The following USP15 variants were observed in gnomAD, a reference collection of about 807,000 sequenced individuals.
USP15 encodes the protein ubiquitin carboxyl-terminal hydrolase 15.
USP15 carries 18 observed loss-of-function variants against 127.1 expected under a neutral mutation model. The observed-to-expected ratio is 0.14, with a 90% CI of 0.10 to 0.21. The LOEUF (loss-of-function observed/expected upper bound fraction) is 0.21, where lower values mean the gene tolerates loss of function less well. Among genes scored for constraint, USP15 ranks in the 10% least tolerant of loss-of-function variants. USP15 has a pLI of 1.00. For synonymous variants in USP15, 364 were observed against 393.7 expected (o/e 0.92, Z 0.89); for missense variants, 805 against 1,159.9 (o/e 0.69, Z 4.44).
intron 1 of USP15, among the ~76,000 whole-genome samples, chr12:62,289,697 T>TTGTGTGTGTGTGTGTGTG (rs71450579): frequency 4.7e-4 from 64 of 135,498 alleles, no homozygotes; most frequent in Middle Eastern, 3.9e-3. Context: ...GGTTGTTAAT[T>TTGTGTGTGTGTGTGTGTG]TGTGTGTGTG....
chr12:62,333,146 T>C (rs1047546188), intron 6 of USP15, among the ~76,000 whole-genome samples: 6 of 152,250 alleles, frequency 3.9e-5, no homozygotes, highest in African/African-American at 1.4e-4. Flanking sequence ...ACATGTTGGC[T>C]GTAGCCATTC....
At chr12:62,371,919 T>C (rs543211310) in intron 8 of USP15, among the ~76,000 whole-genome samples, 4 of 152,258 alleles carry the variant, frequency 2.6e-5, no homozygotes, top group African/African-American at 7.2e-5. Context: ...GCAGGTTACT[T>C]ATCTATTCCA....
intron 5 of USP15, among the ~76,000 whole-genome samples, chr12:62,322,268 C>T (rs2065005764): frequency 6.6e-6 from 1 of 152,074 alleles, no homozygotes; most frequent in Non-Finnish European, 1.5e-5. Flanking sequence ...GCTGGGACTG[C>T]AGACATGTGC....
intron 8 of USP15, among the ~76,000 whole-genome samples, chr12:62,366,065 A>G (rs533744456): frequency 1.3e-5 from 2 of 152,270 alleles, no homozygotes; most frequent in South Asian, 4.1e-4. Context: ...TGAAGTTTAA[A>G]GTAGTTTTTT....
intron 1 of USP15, among the ~76,000 whole-genome samples, chr12:62,285,561 T>C (rs1176423901): frequency 6.6e-6 from 1 of 152,196 alleles, no homozygotes; most frequent in African/African-American, 2.4e-5. Flanking sequence ...CCTAAGATAA[T>C]GGCCTCCACT....
intron 7 of USP15, among the ~76,000 whole-genome samples, chr12:62,353,774 C>T (rs534280480): frequency 2.6e-5 from 4 of 151,928 alleles, no homozygotes; most frequent in East Asian, 3.9e-4. Context: ...TGCTAATAGG[C>T]GCTTTGTACT....
chr12:62,383,354 C>G (rs1053704904), intron 9 of USP15, among the ~76,000 whole-genome samples: 1 of 151,910 alleles, frequency 6.6e-6, no homozygotes, highest in African/African-American at 2.4e-5. Flanking sequence ...GAGTCCTTAA[C>G]ATTGAACTCA....
intron 21 of USP15, among the ~76,000 whole-genome samples, chr12:62,401,820 C>T (rs1440048820): frequency 6.6e-6 from 1 of 151,008 alleles, no homozygotes; most frequent in Admixed American, 6.6e-5. Context: ...TTCACACTTA[C>T]ATCAGTTTAT....
intron 20 of USP15, among the ~76,000 whole-genome samples, chr12:62,400,858 T>C (rs1257536711): frequency 6.6e-6 from 1 of 152,060 alleles, no homozygotes; most frequent in Non-Finnish European, 1.5e-5. Flanking sequence ...ACAATACATG[T>C]AAAGTGCATA....
At chr12:62,313,912 A>G (rs978926820) in intron 3 of USP15, 3 of 277,258 alleles carry the variant, frequency 1.1e-5, no homozygotes, top group African/African-American at 6.9e-5. Context: ...GCTTGTGAGT[A>G]TATCCCAACG....
chr12:62,397,014 G>GC (rs1240819895), intron 20 of USP15, among the ~76,000 whole-genome samples: 4 of 151,990 alleles, frequency 2.6e-5, no homozygotes, highest in Non-Finnish European at 2.9e-5. Context: ...TTGCCAGATT[G>GC]CCCCCCACCC....
rs2290242 is a variant in USP15 at position 62,389,662 on chromosome 12, A to C, written c.1615A>C (p.Asn539His). 2.5e-6 allele frequency: 4 copies of C among 1,613,520 alleles called. No individual in the cohort carries two copies. In the East Asian group the frequency reaches 6.7e-5, roughly 27 times the overall value. The change falls in exon 13 of 22, where the codon AAC becomes CAC. Residue 539 changes from asparagine to histidine, a missense_variant. By Grantham distance (68) the Asn-to-His change is moderately conservative (BLOSUM62 1). Around this residue, in one of 11 missense-constraint regions of USP15, gnomAD observed 82 missense variants for 104.4 expected, o/e 0.79. Transcript: ENST00000280377. ...RFHRIFAMDE[N>H]LSSIMERDDI... ...TCACAGAATATTCGCTATGGATGAA[A>C]ACCTTAGTAGTATTATGGAACGGGA...
In USP15 at chr12:62,384,116, A is replaced by G. The variant is rs2067070392; in HGVS notation, c.1287A>G (p.Arg429=). The G allele has an allele frequency of 2.5e-6, 4 of 1,612,902 alleles. No homozygotes were observed. The East Asian group carries it at 8.9e-5, about 36-fold the overall frequency. Residue 429 remains arginine, a synonymous_variant, in exon 11 of 22, where the codon CGA becomes CGG. Transcript: ENST00000280377. ...AEEAWENHLK[R]NDSIIVDIFH... The stretch of plus-strand genomic sequence containing the variant: ...AAGCCTGGGAAAACCATTTAAAACG[A>G]AATGATTCTATCATAGTAGATATAT...
At chr12:62,391,474 A>G (rs532194644) in intron 16 of USP15, 45 bp downstream of exon 16, 18 of 1,568,940 alleles carry the variant, frequency 1.1e-5, no homozygotes, top group South Asian at 8.5e-5. Flanking sequence ...CAAGCCGAGC[A>G]TGTTATTTTT....
chr12:62,286,180 ACT>A (rs548387012), intron 1 of USP15, among the ~76,000 whole-genome samples: 3 of 152,294 alleles, frequency 2.0e-5, no homozygotes, highest in Admixed American at 2.0e-4. Context: ...TCTATAAGGA[ACT>A]TAATAAGAAA....
At position 62,268,918 on chromosome 12, in the gene USP15, C is replaced by T. The variant is rs188945455; in HGVS notation, c.89+8415C>T. ...CACCTCCCATTTCTCTCCCAAACTCCTCTGTTCTAGGCAGCTACTAATCTA... is the reference window on the plus strand; with the variant it reads ...CACCTCCCATTTCTCTCCCAAACTCTTCTGTTCTAGGCAGCTACTAATCTA... On this transcript the variant is annotated intron_variant, in intron 1 of 21. Transcript: ENST00000280377. Among the ~76,000 whole-genome samples, 276 of 152,188 alleles carry T rather than the reference C, an allele frequency of 1.8e-3. 1 individual carries two copies. The highest frequency in any genetic ancestry group is 6.5e-3 in the African/African-American group (268 of 41,526).
intron 6 of USP15, chr12:62,336,166 A>C: frequency 2.0e-6 from 2 of 985,372 alleles, no homozygotes; most frequent in Non-Finnish European, 2.4e-6. Context: ...TAGGTGTTCA[A>C]AATTAGGTGA....
At chr12:62,286,664 G>A (rs891175580) in intron 1 of USP15, among the ~76,000 whole-genome samples, 13 of 152,110 alleles carry the variant, frequency 8.5e-5, no homozygotes, top group African/African-American at 7.2e-5. Flanking sequence ...ATGGCCGGGC[G>A]TGGTGGCTCA....
chr12:62,368,089 G>T (rs563246676), intron 8 of USP15, among the ~76,000 whole-genome samples: 1 of 152,262 alleles, frequency 6.6e-6, no homozygotes, highest in South Asian at 2.1e-4. Context: ...TCAGGAGCAG[G>T]TTGTTCAGTT....
Sources: allele counts gnomAD v4.1 joint callset (sites outside exome capture counted in the v4.1 genomes callset), GRCh38; gene constraint gnomAD v4.1.1; regional missense constraint gnomAD v4.1.1; transcripts MANE v1.5; gene names NCBI Gene and HGNC (gene_info 2026-07-23, HGNC 2026-07-21).